The following CD2AP variants were observed in gnomAD, a reference collection of about 807,000 sequenced individuals.
CD2AP encodes CD2-associated protein.
In CD2AP, 46 loss-of-function variants were observed where a neutral mutation model predicts 85.1. That is an observed-to-expected ratio of 0.54 (90% CI 0.43 to 0.69). The LOEUF is 0.69. Among genes scored for constraint, CD2AP ranks in the 30% least tolerant of loss-of-function variants. The pLI, the probability that CD2AP is intolerant of heterozygous loss-of-function variation, is 0.00. For synonymous variants in CD2AP, 255 were observed against 252.9 expected, an observed-to-expected ratio of 1.01 and a Z score of -0.08; for missense variants, 769 against 729.5, an observed-to-expected ratio of 1.05 and a Z score of -0.62.
chr6:47,594,204 C>T (rs542332108), intron 11 of CD2AP, among the ~76,000 whole-genome samples: 3 of 151,926 alleles, frequency 2.0e-5, no homozygotes, highest in African/African-American at 7.2e-5. Context: ...GTGGTGGTTG[C>T]GTAACATCGT....
chr6:47,539,921 G>A (rs1210342323), intron 3 of CD2AP, among the ~76,000 whole-genome samples: 3 of 151,938 alleles, frequency 2.0e-5, no homozygotes, highest in Non-Finnish European at 4.4e-5. Context: ...GCTCACACCT[G>A]TAATCCCAGC....
Position 47,517,818 on chromosome 6 carries a change from A to G in CD2AP, c.165+14378A>G, listed in dbSNP as rs1220756032. ...TAGTATTTATGAGATTTTTACCACC[A>G]CCTCTATCTGCTGAAAAAAGGGATA... On this transcript the variant is annotated intron_variant, in intron 2 of 17. Coordinates refer to ENST00000359314, the MANE Select transcript of CD2AP (RefSeq NM_012120.3). 2.0e-5 allele frequency among the ~76,000 whole-genome samples: 3 copies of G among 151,678 alleles called. No homozygotes were observed. The East Asian group carries it at 5.8e-4, about 29-fold the overall frequency.
At chr6:47,511,032 C>T (rs1323270681) in intron 2 of CD2AP, among the ~76,000 whole-genome samples, 1 of 134,750 alleles carries the variant, frequency 7.4e-6, no homozygotes, top group Non-Finnish European at 1.5e-5. Flanking sequence ...GAGATCGCGC[C>T]ACTGCACCCC....
chr6:47,541,466 A>C (rs1767214439), intron 3 of CD2AP, among the ~76,000 whole-genome samples: 1 of 152,160 alleles, frequency 6.6e-6, no homozygotes, highest in South Asian at 2.1e-4. Context: ...AACTACAATA[A>C]AAAATCAGAT....
At chr6:47,492,149 A>T (rs1344607506) in intron 1 of CD2AP, among the ~76,000 whole-genome samples, 1 of 152,034 alleles carries the variant, frequency 6.6e-6, no homozygotes, top group Admixed American at 6.5e-5. Context: ...TTTGTTACTA[A>T]TTTCTATCAT....
chr6:47,506,310 T>C (rs1487309446), intron 2 of CD2AP, among the ~76,000 whole-genome samples: 2 of 48,872 alleles, frequency 4.1e-5, no homozygotes, highest in African/African-American at 7.3e-5. Flanking sequence ...CGCTCCTCAC[T>C]TTCCAGACTG....
intron 4 of CD2AP, among the ~76,000 whole-genome samples, chr6:47,553,178 C>T (rs1434477017): frequency 7.9e-5 from 12 of 152,060 alleles, no homozygotes; most frequent in Admixed American, 7.2e-4. Flanking sequence ...AACACTGTGA[C>T]TAACACATAT....
chr6:47,566,455 T>C (rs1212163777), intron 5 of CD2AP, among the ~76,000 whole-genome samples: 1 of 151,990 alleles, frequency 6.6e-6, no homozygotes, highest in Non-Finnish European at 1.5e-5. Context: ...CAAACACTTT[T>C]GTCAAGTGAA....
At position 47,512,019 on chromosome 6, in the gene CD2AP, G is replaced by C. The variant is rs575985519; in HGVS notation, c.165+8579G>C. 7.9e-5 allele frequency among the ~76,000 whole-genome samples: 12 copies of C among 152,092 alleles called. No homozygotes were observed. The South Asian group carries it at 1.0e-3, about 13-fold the overall frequency. On this transcript the variant is annotated intron_variant, in intron 2 of 17. Coordinates refer to ENST00000359314, the MANE Select transcript of CD2AP (RefSeq NM_012120.3). ...TAAAAATACAAAAAATTAGCTGGGC[G>C]TAGTGGCGGGCGGCTGTAGTCCCAG...
At chr6:47,481,501 A>C (rs1005946912) in intron 1 of CD2AP, among the ~76,000 whole-genome samples, 28 of 152,066 alleles carry the variant, frequency 1.8e-4, no homozygotes, top group African/African-American at 6.5e-4. Context: ...GTGTGCCACC[A>C]TGCCCAGCTA....
At chr6:47,564,733 C>T (rs1384285805) in intron 5 of CD2AP, among the ~76,000 whole-genome samples, 1 of 152,034 alleles carries the variant, frequency 6.6e-6, no homozygotes, top group Non-Finnish European at 1.5e-5. Context: ...TTAAAATTTT[C>T]CTGTGTCCTA....
At chr6:47,513,297 T>G (rs1402877678) in intron 2 of CD2AP, among the ~76,000 whole-genome samples, 1 of 152,134 alleles carries the variant, frequency 6.6e-6, no homozygotes, top group Non-Finnish European at 1.5e-5. Flanking sequence ...CCCACTTAAT[T>G]GTTTTTTGTT....
At chr6:47,512,123 A>C (rs1262969466) in intron 2 of CD2AP, among the ~76,000 whole-genome samples, 1 of 152,012 alleles carries the variant, frequency 6.6e-6, no homozygotes. Flanking sequence ...GCGCCACTGC[A>C]CTCCAGCCTG....
chr6:47,502,607 C>T (rs1227691564), intron 1 of CD2AP, among the ~76,000 whole-genome samples: 2 of 151,620 alleles, frequency 1.3e-5, no homozygotes, highest in African/African-American at 4.8e-5. Context: ...TATTCTCCTA[C>T]CTCAGCCTCC....
chr6:47,545,450 T>C (rs978977114), intron 4 of CD2AP, among the ~76,000 whole-genome samples: 2 of 152,088 alleles, frequency 1.3e-5, no homozygotes, highest in South Asian at 2.1e-4. Flanking sequence ...GCATATACTC[T>C]TGGGAGCTCT....
At chr6:47,535,986 G>GC (rs1332181850) in intron 3 of CD2AP, among the ~76,000 whole-genome samples, 1 of 152,112 alleles carries the variant, frequency 6.6e-6, no homozygotes, top group Non-Finnish European at 1.5e-5. Context: ...TTTGCCTTTC[G>GC]TAAGAACACT....
intron 2 of CD2AP, among the ~76,000 whole-genome samples, chr6:47,511,097 AAAAG>A (rs1766302775): frequency 7.4e-6 from 1 of 135,536 alleles, no homozygotes; most frequent in Admixed American, 7.4e-5. Context: ...AAAAAAAAAA[AAAAG>A]GAATAGATGG....
rs1308897351 is a variant in CD2AP, at chr6:47,512,434, C to T, written c.165+8994C>T. 6.6e-5 allele frequency among the ~76,000 whole-genome samples: 10 copies of T among 152,168 alleles called. No individual in the cohort carries two copies. In the East Asian group the frequency reaches 7.7e-4, roughly 12 times the overall value. ...AACTAGGCTTCTTGTAAAAAACTCA[C>T]GTCCCTGTTACTAATTCAGATAGCT... On this transcript the variant is annotated intron_variant, in intron 2 of 17. Transcript: ENST00000359314.
chr6:47,502,280 A>G, intron 1 of CD2AP, among the ~76,000 whole-genome samples: 1 of 152,102 alleles, frequency 6.6e-6, no homozygotes, highest in East Asian at 1.9e-4. Context: ...GCCTTAAGTA[A>G]TTACATACAA....
Sources: gnomAD v4.1 joint callset for allele counts (sites outside exome capture counted in the v4.1 genomes callset) on GRCh38, gnomAD v4.1.1 for gene constraint, MANE v1.5 for transcripts, NCBI Gene and HGNC (gene_info 2026-07-23, HGNC 2026-07-21) for gene names.